MTA3: variants seen among roughly 807,000 people sequenced by gnomAD.
The protein encoded by MTA3 is metastasis associated 1 family member 3.
MTA3 carries 34 observed loss-of-function variants against 83.5 expected under a neutral mutation model. The observed-to-expected ratio is 0.41, with a 90% CI of 0.31 to 0.54. The LOEUF is 0.54. MTA3 is among the 20% of genes least tolerant of loss of function. The probability of loss-of-function intolerance (pLI) is 0.33; values close to 1 mark genes in which losing one functional copy is unlikely to be tolerated. For missense variants in MTA3, 761 were observed against 726.4 expected, an observed-to-expected ratio of 1.05 and a Z score of -0.55; for synonymous variants, 303 against 252.7, an observed-to-expected ratio of 1.20 and a Z score of -1.89.
intron 3 of MTA3, among the ~76,000 whole-genome samples, chr2:42,603,535 C>T (rs867712516): frequency 6.6e-5 from 10 of 152,204 alleles, no homozygotes; most frequent in African/African-American, 1.9e-4. Context: ...CTGATGGGAT[C>T]CTGATTTGCT....
intron 1 of MTA3, among the ~76,000 whole-genome samples, chr2:42,570,191 T>C (rs1156444836): frequency 1.3e-5 from 2 of 152,162 alleles, no homozygotes; most frequent in Non-Finnish European, 2.9e-5. Flanking sequence ...AAATGACGTA[T>C]TGGGACAGAA....
chr2:42,523,749 A>G (rs1173404873), intron 2 of MTA3, among the ~76,000 whole-genome samples: 1 of 151,992 alleles, frequency 6.6e-6, no homozygotes, highest in Non-Finnish European at 1.5e-5. Flanking sequence ...CTCTTCTCTA[A>G]CAAAACAAAA....
At chr2:42,744,417 C>T (rs758256117) in intron 16 of MTA3, among the ~76,000 whole-genome samples, 1 of 152,174 alleles carries the variant, frequency 6.6e-6, no homozygotes, top group Non-Finnish European at 1.5e-5. Context: ...ACTTGAGACC[C>T]TCTCAGCAGT....
rs11358037 is a variant in MTA3 at position 42,690,680 on chromosome 2, ATTT to A, written c.892-5071_892-5069del. On this transcript the variant is annotated intron_variant, in intron 9 of 16. Transcript: ENST00000405094. ...GGGGTACATGAAATTTTTTAATTTA[ATTT>A]TTTTTTTTTTTTTGGAGACAGAGTC... Among the ~76,000 whole-genome samples the A allele has an allele frequency of 3.5e-3, 413 of 118,038 alleles. 3 individuals carry two copies. The highest frequency in any genetic ancestry group is 0.014 in the African/African-American group (398 of 29,104). The allele number at this position is 118,038 out of a possible 152,430, so 77.4% of individuals were successfully genotyped here.
At chr2:42,653,156 G>T (rs1179441844) in intron 6 of MTA3, among the ~76,000 whole-genome samples, 1 of 152,198 alleles carries the variant, frequency 6.6e-6, no homozygotes, top group African/African-American at 2.4e-5. Flanking sequence ...AGCAAAAATA[G>T]GAAGCTGTAT....
chr2:42,570,434 C>T lies in MTA3; in HGVS notation c.29-3C>T. ...TTAAGTTCTGTACTTCCTTTAATTA[C>T]AGATTATGTCTACTTTGAGAATTCC... On this transcript the variant is annotated splice_region_variant and splice_polypyrimidine_tract_variant and intron_variant, in intron 1 of 16. Transcript: ENST00000405094. The T allele has an allele frequency of 6.6e-7, 1 of 1,516,132 alleles. No homozygotes were observed. The highest frequency in any genetic ancestry group is 8.9e-7 in the Non-Finnish European group (1 of 1,117,804). 93.9% of individuals were successfully genotyped at this position (1,516,132 alleles called of 1,614,324 possible). A position where few individuals can be genotyped will look rare whatever the true frequency, so the allele number is the denominator to read the frequency against.
At chr2:42,506,773 A>T (rs1052679001) in intron 2 of MTA3, among the ~76,000 whole-genome samples, 3 of 151,898 alleles carry the variant, frequency 2.0e-5, no homozygotes, top group Non-Finnish European at 2.9e-5. Context: ...ACACCCAGCT[A>T]ATTTTTGTAA....
chr2:42,635,155 C>T (rs190337727), intron 4 of MTA3, among the ~76,000 whole-genome samples: 4 of 152,102 alleles, frequency 2.6e-5, no homozygotes, highest in South Asian at 2.1e-4. Flanking sequence ...CTGTTTTATG[C>T]GGTTGCTGTT....
intron 4 of MTA3, among the ~76,000 whole-genome samples, chr2:42,622,747 C>A (rs1381044869): frequency 6.6e-6 from 1 of 151,750 alleles, no homozygotes; most frequent in African/African-American, 2.4e-5. Flanking sequence ...CCACCTTAGT[C>A]TCTCAAAGTG....
At chr2:42,569,845 C>T (rs1678268241) in intron 1 of MTA3, 1 of 152,190 alleles carries the variant, frequency 6.6e-6, no homozygotes, top group African/African-American at 2.4e-5. Flanking sequence ...CCCCAGAACA[C>T]TTTGCCTCTT....
intron 2 of MTA3, among the ~76,000 whole-genome samples, chr2:42,573,079 T>C (rs552128049): frequency 3.3e-5 from 5 of 152,292 alleles, no homozygotes; most frequent in Admixed American, 3.3e-4. Context: ...GGACCATGGA[T>C]TTTCTAATGA....
intron 2 of MTA3, among the ~76,000 whole-genome samples, chr2:42,576,461 A>C (rs1001170601): frequency 6.6e-6 from 1 of 152,172 alleles, no homozygotes; most frequent in African/African-American, 2.4e-5. Flanking sequence ...GAAAATCCAA[A>C]TAATGATTTA....
intron 15 of MTA3, among the ~76,000 whole-genome samples, chr2:42,722,015 G>A (rs1001182130): frequency 2.0e-5 from 3 of 152,174 alleles, no homozygotes; most frequent in African/African-American, 7.2e-5. Context: ...CTAAATTCCA[G>A]TAAATAAGGG....
At chr2:42,515,233 A>T (rs1675090335) in intron 2 of MTA3, among the ~76,000 whole-genome samples, 1 of 151,204 alleles carries the variant, frequency 6.6e-6, no homozygotes, top group Non-Finnish European at 1.5e-5. Context: ...TAATTTTTGT[A>T]TTTTTAGTAG....
intron 11 of MTA3, among the ~76,000 whole-genome samples, chr2:42,701,500 G>C (rs917347741): frequency 5.6e-4 from 85 of 151,990 alleles, no homozygotes; most frequent in Admixed American, 2.6e-4. Flanking sequence ...GAGAGGCTGA[G>C]GTGGGAGTAT....
At chr2:42,577,808 A>C (rs965024507) in intron 2 of MTA3, among the ~76,000 whole-genome samples, 1 of 152,168 alleles carries the variant, frequency 6.6e-6, no homozygotes, top group Admixed American at 6.6e-5. Flanking sequence ...GAAGAGACAA[A>C]AATCACATTG....
chr2:42,543,294 C>G (rs951918261), intron 2 of MTA3, among the ~76,000 whole-genome samples: 1 of 151,434 alleles, frequency 6.6e-6, no homozygotes, highest in Non-Finnish European at 1.5e-5. Flanking sequence ...TCTCCTGCTT[C>G]AGCCTCCTGA....
intron 2 of MTA3, among the ~76,000 whole-genome samples, chr2:42,531,546 G>A (rs1261272506): frequency 8.7e-5 from 12 of 137,390 alleles, no homozygotes; most frequent in African/African-American, 2.7e-4. Flanking sequence ...TCTGCCTCCC[G>A]GGTTCAAGCA....
chr2:42,722,722 A>AAG (rs1377251798), intron 15 of MTA3, among the ~76,000 whole-genome samples, 167 bp from the exon 16 acceptor site: 12 of 152,204 alleles, frequency 7.9e-5, no homozygotes, highest in Non-Finnish European at 1.5e-4. Context: ...AAGCAAAGCC[A>AAG]TGGCAACAAC....
Sources: gnomAD v4.1 joint callset for allele counts (sites outside exome capture counted in the v4.1 genomes callset) on GRCh38, gnomAD v4.1.1 for gene constraint, MANE v1.5 for transcripts, NCBI Gene and HGNC (gene_info 2026-07-23, HGNC 2026-07-21) for gene names.